The following CNTN5 variants were observed in gnomAD, a reference collection of about 807,000 sequenced individuals.
CNTN5 encodes contactin-5.
In CNTN5, 77 loss-of-function variants were observed where a neutral mutation model predicts 129.1. That is an observed-to-expected ratio of 0.60 (90% CI 0.50 to 0.72). The LOEUF (loss-of-function observed/expected upper bound fraction) is 0.72. Ranked by LOEUF, CNTN5 falls within the 30% of genes least tolerant of loss-of-function variation. The pLI is 0.00. For missense variants in CNTN5, 1,478 were observed against 1,328.8 expected, an observed-to-expected ratio of 1.11 and a Z score of -1.75; for synonymous variants, 509 against 465.6, an observed-to-expected ratio of 1.09 and a Z score of -1.20.
intron 18 of CNTN5, among the ~76,000 whole-genome samples, chr11:100,283,595 G>C (rs1195707303): frequency 6.6e-6 from 1 of 152,138 alleles, no homozygotes; most frequent in African/African-American, 2.4e-5. Context: ...AGGCTTTCAG[G>C]AATTCAAGTT....
intron 1 of CNTN5, among the ~76,000 whole-genome samples, chr11:99,063,854 G>A (rs1356634440): frequency 2.0e-5 from 3 of 152,010 alleles, no homozygotes; most frequent in Admixed American, 2.0e-4. Flanking sequence ...GGAGTAAACT[G>A]AGAAAGTAAC....
intron 9 of CNTN5, among the ~76,000 whole-genome samples, chr11:100,013,986 A>G (rs1362968823): frequency 1.3e-5 from 2 of 152,168 alleles, no homozygotes; most frequent in African/African-American, 4.8e-5. Context: ...TCATATTTGT[A>G]TTAGTTAAGC....
chr11:100,022,689 A>G (rs1941224487), intron 9 of CNTN5, among the ~76,000 whole-genome samples: 1 of 152,172 alleles, frequency 6.6e-6, no homozygotes, highest in Non-Finnish European at 1.5e-5. Context: ...TGTTCCTCCA[A>G]CATAATTGTA....
chr11:99,208,729 A>C (rs1591360984), intron 1 of CNTN5, among the ~76,000 whole-genome samples: 1 of 152,260 alleles, frequency 6.6e-6, no homozygotes, highest in Non-Finnish European at 1.5e-5. Context: ...AAACACAAGG[A>C]CATTATAATG....
chr11:100,272,687 T>C (rs868137235), intron 18 of CNTN5, among the ~76,000 whole-genome samples: 1 of 151,968 alleles, frequency 6.6e-6, no homozygotes, highest in African/African-American at 2.4e-5. Flanking sequence ...GTTGGGCTGA[T>C]TGGGGGAAAA....
intron 4 of CNTN5, among the ~76,000 whole-genome samples, chr11:99,834,061 G>A (rs989533997): frequency 3.3e-5 from 5 of 152,120 alleles, no homozygotes; most frequent in African/African-American, 1.2e-4. Context: ...AATCTGACTG[G>A]ATATTTCATT....
chr11:99,618,959 T>G (rs1277462060), intron 3 of CNTN5, among the ~76,000 whole-genome samples: 2 of 152,202 alleles, frequency 1.3e-5, no homozygotes, highest in African/African-American at 4.8e-5. Context: ...TCAGAAGTTT[T>G]ATTAATCAAT....
At chr11:100,129,650 T>C (rs1285387247) in intron 13 of CNTN5, among the ~76,000 whole-genome samples, 1 of 152,124 alleles carries the variant, frequency 6.6e-6, no homozygotes, top group East Asian at 1.9e-4. Flanking sequence ...TACATTTAAA[T>C]TGACCAGTAT....
intron 2 of CNTN5, among the ~76,000 whole-genome samples, chr11:99,419,031 A>G (rs185951512): frequency 2.0e-5 from 3 of 152,136 alleles, no homozygotes; most frequent in Admixed American, 6.6e-5. Flanking sequence ...ATTATGCATG[A>G]TAAGGAATGT....
At chr11:100,124,735 A>G (rs1462801097) in intron 13 of CNTN5, among the ~76,000 whole-genome samples, 1 of 152,068 alleles carries the variant, frequency 6.6e-6, no homozygotes, top group Non-Finnish European at 1.5e-5. Context: ...GAAAGGGAAC[A>G]AAAGAGAGTG....
At chr11:99,456,772 T>C (rs1279822311) in intron 2 of CNTN5, among the ~76,000 whole-genome samples, 3 of 152,106 alleles carry the variant, frequency 2.0e-5, no homozygotes, top group South Asian at 4.1e-4. Flanking sequence ...TGACTGAATA[T>C]GCCTAATTAT....
intron 1 of CNTN5, among the ~76,000 whole-genome samples, chr11:99,064,719 T>C (rs1164913323): frequency 2.0e-5 from 3 of 152,216 alleles, no homozygotes; most frequent in Admixed American, 1.3e-4. Flanking sequence ...TTTTATTTCC[T>C]TTTGATATAT....
chr11:99,738,991 A>G (rs1172813999), intron 3 of CNTN5, among the ~76,000 whole-genome samples: 1 of 152,174 alleles, frequency 6.6e-6, no homozygotes, highest in Non-Finnish European at 1.5e-5. Flanking sequence ...TACAAGGCCC[A>G]GATGTAATAA....
intron 1 of CNTN5, among the ~76,000 whole-genome samples, chr11:99,200,470 T>C (rs886542374): frequency 1.3e-5 from 2 of 152,216 alleles, no homozygotes; most frequent in Admixed American, 1.3e-4. Context: ...TTTTGCTTCA[T>C]AGACCAGTTC....
rs144260942 is a variant in CNTN5 at position 100,127,745 on chromosome 11, G to A, written c.1580+53451G>A. On this transcript the variant is annotated intron_variant, in intron 13 of 24. Transcript: ENST00000524871. ...ACAATCTTGGCTCACTGCCACCTCCGCCTTCCAGGTTCAAGCGATTCTCCT... is the reference window on the plus strand; with the variant it reads ...ACAATCTTGGCTCACTGCCACCTCCACCTTCCAGGTTCAAGCGATTCTCCT... Among the ~76,000 whole-genome samples the A allele has an allele frequency of 2.2e-3, 289 of 132,682 alleles. 3 individuals carry two copies. Among genetic ancestry groups the A allele is most frequent in the African/African-American group, 8.1e-3 (284 of 35,094 alleles). The allele number at this position is 132,682 out of a possible 152,430, so 87.0% of individuals were successfully genotyped here. A position where few individuals can be genotyped will look rare whatever the true frequency, so the allele number is the denominator to read the frequency against.
intron 24 of CNTN5, among the ~76,000 whole-genome samples, chr11:100,354,705 G>GTA (rs1952485808): frequency 6.6e-6 from 1 of 151,580 alleles, no homozygotes; most frequent in Admixed American, 6.6e-5. Context: ...AACTTAGATG[G>GTA]TATAGCTTAC....
intron 3 of CNTN5, among the ~76,000 whole-genome samples, chr11:99,750,614 C>T (rs1944199902): frequency 6.6e-6 from 1 of 151,804 alleles, no homozygotes; most frequent in African/African-American, 2.4e-5. Flanking sequence ...ATTTTGTTTT[C>T]CCAGGAAGAC....
chr11:99,145,644 A>C (rs193213814), intron 1 of CNTN5, among the ~76,000 whole-genome samples: 58 of 152,170 alleles, frequency 3.8e-4, no homozygotes, highest in Admixed American at 3.1e-3. Flanking sequence ...TATTCTATTT[A>C]TCTCTCCAAA....
intron 16 of CNTN5, among the ~76,000 whole-genome samples, chr11:100,238,430 A>T (rs1371549858): frequency 2.1e-5 from 3 of 142,274 alleles, no homozygotes; most frequent in African/African-American, 7.7e-5. Context: ...AAAAAAAAAA[A>T]GGAGAAAGAA....
Sources: allele counts gnomAD v4.1 joint callset (sites outside exome capture counted in the v4.1 genomes callset), GRCh38; gene constraint gnomAD v4.1.1; transcripts MANE v1.5; gene names NCBI Gene and HGNC (gene_info 2026-07-23, HGNC 2026-07-21).